CEP112: variants seen among roughly 807,000 people sequenced by gnomAD.
The protein encoded by CEP112 is centrosomal protein 112, also known as centrosomal protein of 112 kDa.
Under a neutral mutation model 153.0 loss-of-function variants are expected in CEP112, and 127 were observed. The observed-to-expected ratio is 0.83, with a 90% CI of 0.72 to 0.96. CEP112 has a LOEUF of 0.96. Ranked by LOEUF, CEP112 falls within the 40% of genes least tolerant of loss-of-function variation. CEP112 has a pLI of 0.00. For missense variants in CEP112, 1,089 were observed against 1,101.2 expected (o/e 0.99, Z 0.16); for synonymous variants, 358 against 374.4 (o/e 0.96, Z 0.51).
chr17:65,761,130 CT>C (rs1212863811), intron 21 of CEP112, among the ~76,000 whole-genome samples: 3 of 151,578 alleles, frequency 2.0e-5, no homozygotes, highest in African/African-American at 4.8e-5. Context: ...TATTCTTTTT[CT>C]TTTTTTCTTA....
At chr17:65,654,056 C>CAAAAAAAAAAAAAAAAAAAAA in intron 24 of CEP112, among the ~76,000 whole-genome samples, 2 of 26,882 alleles carry the variant, frequency 7.4e-5, no homozygotes, top group Non-Finnish European at 1.5e-4. Flanking sequence ...AAGACTCCAT[C>CAAAAAAAAAAAAAAAAAAAAA]AAAAAAAAAA....
chr17:66,077,831 G>A (rs961176308), intron 8 of CEP112, among the ~76,000 whole-genome samples: 1 of 152,168 alleles, frequency 6.6e-6, no homozygotes, highest in African/African-American at 2.4e-5. Flanking sequence ...CCACTCTGTG[G>A]GTTGTCTGTT....
chr17:65,969,797 C>T (rs1438852078), intron 17 of CEP112, among the ~76,000 whole-genome samples: 1 of 151,814 alleles, frequency 6.6e-6, no homozygotes, highest in Non-Finnish European at 1.5e-5. Context: ...CATGCATGCG[C>T]ATCACATGTA....
At chr17:66,056,905 A>G (rs1403664165) in intron 11 of CEP112, among the ~76,000 whole-genome samples, 1 of 152,202 alleles carries the variant, frequency 6.6e-6, no homozygotes, top group African/African-American at 2.4e-5. Flanking sequence ...ATAACTCAAT[A>G]TTTTTTAAAG....
intron 17 of CEP112, among the ~76,000 whole-genome samples, chr17:65,969,082 ATTTT>A (rs199636922): frequency 0.068 from 9,559 of 141,354 alleles, 445 homozygotes; most frequent in African/African-American, 0.13. Flanking sequence ...GTGTGTGTGG[ATTTT>A]TTTTTTTTTT....
At chr17:65,825,634 A>G (rs1415999164) in intron 21 of CEP112, among the ~76,000 whole-genome samples, 1 of 152,210 alleles carries the variant, frequency 6.6e-6, no homozygotes, top group Non-Finnish European at 1.5e-5. Context: ...TTGCACAACA[A>G]TTTAAATGTA....
At chr17:65,816,551 CTGATA>C (rs1386117332) in intron 21 of CEP112, among the ~76,000 whole-genome samples, 6 of 152,042 alleles carry the variant, frequency 3.9e-5, no homozygotes, top group Non-Finnish European at 7.4e-5. Context: ...TCTACATCTA[CTGATA>C]TAATATGATT....
intron 20 of CEP112, among the ~76,000 whole-genome samples, chr17:65,872,636 T>C (rs2058702194): frequency 6.6e-6 from 1 of 152,124 alleles, no homozygotes; most frequent in Non-Finnish European, 1.5e-5. Flanking sequence ...TGGACACCAA[T>C]AGATTTTCAA....
At chr17:65,912,819 A>C (rs2060337847) in intron 19 of CEP112, among the ~76,000 whole-genome samples, 1 of 152,206 alleles carries the variant, frequency 6.6e-6, no homozygotes, top group Non-Finnish European at 1.5e-5. Flanking sequence ...ATTTTTCTAC[A>C]GGGCTTGCCA....
chr17:65,843,076 T>C (rs565027058), intron 21 of CEP112, among the ~76,000 whole-genome samples: 8 of 152,268 alleles, frequency 5.3e-5, no homozygotes, highest in African/African-American at 1.9e-4. Context: ...GACAAGATTA[T>C]AACCCCTGTC....
At chr17:65,900,829 C>T (rs987512028) in intron 20 of CEP112, among the ~76,000 whole-genome samples, 4 of 152,046 alleles carry the variant, frequency 2.6e-5, no homozygotes, top group African/African-American at 7.2e-5. Context: ...ATATAATACA[C>T]GATGATTTAA....
At chr17:65,769,579 A>G (rs1011852370) in intron 21 of CEP112, among the ~76,000 whole-genome samples, 22 of 152,158 alleles carry the variant, frequency 1.4e-4, no homozygotes, top group African/African-American at 4.6e-4. Flanking sequence ...CTAGACTAAT[A>G]GAACAGTATA....
At chr17:65,981,772 G>A (rs185646390) in intron 17 of CEP112, among the ~76,000 whole-genome samples, 16 of 151,976 alleles carry the variant, frequency 1.1e-4, no homozygotes, top group African/African-American at 2.9e-4. Context: ...ACGGGGTTTC[G>A]CCATATTGTC....
chr17:66,183,375 A>G, intron 1 of CEP112, 68 bp from the exon 2 acceptor site: 1 of 1,125,080 alleles, frequency 8.9e-7, no homozygotes, highest in Non-Finnish European at 1.3e-6. Context: ...CTGATGAGAA[A>G]GATAAAAAAA....
At chr17:66,122,440 A>G (rs565548952) in intron 6 of CEP112, among the ~76,000 whole-genome samples, 3 of 152,118 alleles carry the variant, frequency 2.0e-5, no homozygotes, top group Admixed American at 2.0e-4. Flanking sequence ...CCTCTCCATG[A>G]GTAATTTTAG....
intron 25 of CEP112, among the ~76,000 whole-genome samples, chr17:65,639,770 A>AAACATGTT (rs1303475408): frequency 6.6e-6 from 1 of 151,734 alleles, no homozygotes; most frequent in Non-Finnish European, 1.5e-5. Flanking sequence ...TAAAACATTC[A>AAACATGTT]AACATGTTAG....
chr17:66,178,913 A>T (rs1403468983), intron 2 of CEP112, among the ~76,000 whole-genome samples: 1 of 152,140 alleles, frequency 6.6e-6, no homozygotes, highest in African/African-American at 2.4e-5. Flanking sequence ...TGAAACTGAT[A>T]AACTTAAGTA....
intron 8 of CEP112, among the ~76,000 whole-genome samples, chr17:66,089,616 G>C (rs2068063542): frequency 6.6e-6 from 1 of 152,010 alleles, no homozygotes; most frequent in African/African-American, 2.4e-5. Context: ...CAGGTTATTA[G>C]AAAATATGCA....
intron 17 of CEP112, among the ~76,000 whole-genome samples, chr17:66,002,277 C>G (rs1278043383): frequency 6.6e-6 from 1 of 152,164 alleles, no homozygotes; most frequent in Non-Finnish European, 1.5e-5. Flanking sequence ...GATACAATTA[C>G]TGTGTCAGAA....
Sources: allele counts gnomAD v4.1 joint callset (sites outside exome capture counted in the v4.1 genomes callset), GRCh38; gene constraint gnomAD v4.1.1; transcripts MANE v1.5; gene names NCBI Gene and HGNC (gene_info 2026-07-23, HGNC 2026-07-21).